The following PLCH2 variants were observed in gnomAD, a reference collection of about 807,000 sequenced individuals.
PLCH2 encodes phospholipase C eta 2, also known as 1-phosphatidylinositol 4,5-bisphosphate phosphodiesterase eta-2.
Under a neutral mutation model 134.7 loss-of-function variants are expected in PLCH2, and 98 were observed. The observed-to-expected ratio is 0.73, with a 90% CI of 0.62 to 0.86. The LOEUF (loss-of-function observed/expected upper bound fraction) is 0.86. Ranked by LOEUF, PLCH2 falls within the 40% of genes least tolerant of loss-of-function variation. The pLI is 0.00. For missense variants in PLCH2, 1,994 were observed against 1,986.6 expected (o/e 1.00, Z -0.07); for synonymous variants, 974 against 827.5 (o/e 1.18, Z -3.04).
chr1:2,495,308 G>A (rs1268244565), intron 12 of PLCH2, among the ~76,000 whole-genome samples, 180 bp from the exon 13 acceptor site: 1 of 152,174 alleles, frequency 6.6e-6, no homozygotes, highest in Non-Finnish European at 1.5e-5. Context: ...GAGTCTGCCA[G>A]AGCCCAGATC....
At chr1:2,426,009 C>G (rs997202148) in exon 1 of PLCH2, 1 of 152,212 alleles carries the variant, frequency 6.6e-6, no homozygotes, top group African/African-American at 2.4e-5. Flanking sequence ...TTCTGTTCTC[C>G]CTGGCTCCCT....
intron 20 of PLCH2, chr1:2,500,150 T>G: frequency 4.9e-6 from 1 of 203,758 alleles, no homozygotes; most frequent in Non-Finnish European, 1.0e-5. Flanking sequence ...CTGCCCGGGT[T>G]TGCCTGTGAC....
At chr1:2,481,741 C>A (rs994186636) in intron 4 of PLCH2, among the ~76,000 whole-genome samples, 1 of 152,242 alleles carries the variant, frequency 6.6e-6, no homozygotes, top group African/African-American at 2.4e-5. Flanking sequence ...AGTGGAGGCC[C>A]AGTGGCCCTG....
chr1:2,494,505 A>G (rs1642766087), intron 11 of PLCH2: 1 of 385,594 alleles, frequency 2.6e-6, no homozygotes, highest in Non-Finnish European at 4.9e-6. Context: ...ACACAAACGC[A>G]GTTATTACGT....
At chr1:2,492,206 G>A (rs1372170066) in intron 11 of PLCH2, 7 of 152,278 alleles carry the variant, frequency 4.6e-5, no homozygotes, top group Admixed American at 4.6e-4. Context: ...TCCAGGACCA[G>A]TATTTTTAGA....
chr1:2,460,837 C>G (rs1273088415), intron 2 of PLCH2, among the ~76,000 whole-genome samples: 1 of 152,200 alleles, frequency 6.6e-6, no homozygotes, highest in East Asian at 1.9e-4. Context: ...GGTCTCACAG[C>G]TTCTCTGAGC....
chr1:2,437,786 C>T (rs1417199970), intron 2 of PLCH2, among the ~76,000 whole-genome samples: 1 of 152,228 alleles, frequency 6.6e-6, no homozygotes, highest in African/African-American at 2.4e-5. Context: ...CCCACCCCCA[C>T]ACACATAGGG....
In PLCH2 at chr1:2,470,247, G is replaced by A. The variant is rs557744513; in HGVS notation, c.43+2585G>A. Among the ~76,000 whole-genome samples, 216 of 152,314 alleles carry A rather than the reference G, an allele frequency of 1.4e-3. 2 individuals carry two copies. The highest frequency in any genetic ancestry group is 4.8e-3 in the African/African-American group (201 of 41,568). The stretch of plus-strand genomic sequence containing the variant: ...GAGGTTTCGGGCGGCCCAGTTCTCA[G>A]GGGCAGCCCTGTGCCCTTCCTGGGT... On this transcript the variant is annotated intron_variant, in intron 1 of 21. Coordinates refer to the PLCH2 transcript ENST00000449969.
At chr1:2,494,316 C>T (rs531107365) in intron 11 of PLCH2, 5 of 174,036 alleles carry the variant, frequency 2.9e-5, no homozygotes, top group East Asian at 3.6e-4. Context: ...ACTTATACAG[C>T]GGTAGGAAGG....
At chr1:2,483,287 C>A (rs999009496) in intron 4 of PLCH2, among the ~76,000 whole-genome samples, 1 of 152,184 alleles carries the variant, frequency 6.6e-6, no homozygotes, top group Middle Eastern at 3.2e-3. Context: ...CAAGGCATAT[C>A]TGATCAGCCC....
intron 2 of PLCH2, among the ~76,000 whole-genome samples, chr1:2,440,234 A>G (rs1367591819): frequency 2.0e-5 from 3 of 152,064 alleles, no homozygotes; most frequent in Admixed American, 2.0e-4. Flanking sequence ...GAAGTGGCCC[A>G]TCTGGGAGCG....
chr1:2,499,592 GC>G, intron 19 of PLCH2, 48 bp from the exon 20 acceptor site: 1 of 1,365,598 alleles, frequency 7.3e-7, no homozygotes, highest in Non-Finnish European at 1.0e-6. Flanking sequence ...GCAGGTGGGG[GC>G]CCTGGGAGGC....
chr1:2,476,867 G>A (rs1340644435), intron 1 of PLCH2, among the ~76,000 whole-genome samples, 155 bp downstream of exon 1: 1 of 152,158 alleles, frequency 6.6e-6, no homozygotes, highest in Admixed American at 6.5e-5. Context: ...GATCATGTGG[G>A]TCCAGCAGCG....
intron 4 of PLCH2, among the ~76,000 whole-genome samples, chr1:2,483,808 TGG>T (rs1208429697): frequency 2.6e-5 from 3 of 116,662 alleles, no homozygotes; most frequent in African/African-American, 7.8e-5. Context: ...GACCCCCGTG[TGG>T]GGGTGGCGCT....
chr1:2,459,401 T>C (rs28508164), intron 2 of PLCH2, among the ~76,000 whole-genome samples: 24,361 of 53,318 alleles, frequency 0.46, 6,108 homozygotes, highest in East Asian at 0.75. Flanking sequence ...TCCTGGTGGT[T>C]CTCCTTCCTG....
At position 2,456,528 on chromosome 1, in the gene PLCH2, C is replaced by T. The variant is rs546641549; in HGVS notation, c.116-21948C>T. Among the ~76,000 whole-genome samples the T allele has an allele frequency of 8.5e-5, 13 of 152,332 alleles. No homozygotes were observed. In the South Asian group the frequency reaches 1.0e-3, roughly 12 times the overall value. ...TCACCGCTGCCGGTGCTTCTGGGGACGCGTGAGGTCACCGGGGTGGCTCGT... is the reference window on the plus strand; with the variant it reads ...TCACCGCTGCCGGTGCTTCTGGGGATGCGTGAGGTCACCGGGGTGGCTCGT... On this transcript the variant is annotated intron_variant, in intron 2 of 3. Coordinates refer to the PLCH2 transcript ENST00000609981.
At position 2,505,065 on chromosome 1, in the gene PLCH2, G is replaced by A. The variant is rs570757016; in HGVS notation, c.4103G>A (p.Arg1368Gln). Residue 1368 changes from arginine (R) to glutamine (Q), a missense_variant, in exon 22 of 22, where the codon CGG (arginine) becomes CAG (glutamine). Arg to Gln is a conservative substitution (Grantham distance 43, BLOSUM62 1). Around this residue, in one of 2 missense-constraint regions of PLCH2, gnomAD observed 900 missense variants for 752.3 expected, o/e 1.20. Coordinates refer to ENST00000378486, the MANE Select transcript of PLCH2 (RefSeq NM_014638.4). ...CAGCAGAGACTGCAGGGCCTGGGCC[G>A]GCAGGGACCCCCAGAAGAGGAGCGG... is the stretch of plus-strand genomic sequence containing the variant. ...ERQQRLQGLG[R>Q]QGPPEEERGT... is the part of the protein sequence containing the mutation. 4.9e-5 allele frequency: 76 copies of A among 1,538,532 alleles called. No homozygotes were observed. The highest frequency in any genetic ancestry group is 1.5e-4 in the East Asian group (6 of 41,154).
intron 1 of PLCH2, among the ~76,000 whole-genome samples, 153 bp from the exon 2 acceptor site, chr1:2,478,323 G>A (rs1003772236): frequency 7.2e-5 from 11 of 152,316 alleles, no homozygotes; most frequent in African/African-American, 2.4e-5. Flanking sequence ...GCAGGGCGGT[G>A]TGGGCGGGGC....
rs1642340893 is a variant in PLCH2, at chr1:2,487,327, G to A, written c.1065G>A (p.Arg355=). ...LVGDQLMSQS[R]VDMYAWVLQA... is the part of the protein sequence containing the mutation. ...GTGACCAGCTCATGTCCCAGTCACG[G>A]GTGGACATGTATGCTTGGGTCCTGC... The change falls in exon 7 of 22, where the codon CGG becomes CGA. Residue 355 remains arginine (R), a synonymous_variant. Transcript: ENST00000378486. The A allele has an allele frequency of 1.2e-6, 2 of 1,613,696 alleles. No individual in the cohort carries two copies. The highest frequency in any genetic ancestry group is 2.2e-5 in the East Asian group (1 of 44,894).
Sources: allele counts gnomAD v4.1 joint callset (sites outside exome capture counted in the v4.1 genomes callset), GRCh38; gene constraint gnomAD v4.1.1; regional missense constraint gnomAD v4.1.1; transcripts MANE v1.5; gene names NCBI Gene and HGNC (gene_info 2026-07-23, HGNC 2026-07-21).